CACNA2D1: variants seen among roughly 807,000 people sequenced by gnomAD.
CACNA2D1 encodes the protein voltage-dependent calcium channel subunit alpha-2/delta-1.
In CACNA2D1, 53 loss-of-function variants were observed where a neutral mutation model predicts 171.5. That is an observed-to-expected ratio of 0.31 (90% confidence interval 0.25 to 0.39). CACNA2D1 has a LOEUF of 0.39. Ranked by LOEUF, CACNA2D1 falls within the 10% of genes least tolerant of loss-of-function variation. CACNA2D1 has a pLI of 1.00. For missense variants in CACNA2D1, 903 were observed against 1,299.8 expected (o/e 0.69, Z 4.69); for synonymous variants, 442 against 443.1 (o/e 1.00, Z 0.03).
chr7:82,400,586 TA>T (rs1284193222), intron 1 of CACNA2D1, among the ~76,000 whole-genome samples: 7 of 151,936 alleles, frequency 4.6e-5, no homozygotes, highest in African/African-American at 9.7e-5. Flanking sequence ...ACGTTAGACC[TA>T]AAACCATAAA....
intron 1 of CACNA2D1, among the ~76,000 whole-genome samples, chr7:82,401,815 T>G (rs1826458024): frequency 6.6e-6 from 1 of 152,090 alleles, no homozygotes; most frequent in African/African-American, 2.4e-5. Context: ...AAGGCAAAAG[T>G]TTCCATCCTA....
At position 82,117,155 on chromosome 7, in the gene CACNA2D1, C is replaced by G. The variant is rs1554412653; in HGVS notation, c.415G>C (p.Glu139Gln). ...DDLDPEKNDS[E>Q]PGSQRIKPVF... ...GGTTTTATCCTCTGGCTGCCTGGCT[C>G]ACTGTCATTTTTCTCAGGCTATATA... Residue 139 changes from glutamate to glutamine, a missense_variant, in exon 6 of 39, where the codon GAG (glutamate) becomes CAG (glutamine). Coordinates refer to ENST00000356860, the MANE Select transcript of CACNA2D1 (RefSeq NM_000722.4). 6.2e-7 allele frequency: 1 copy of G among 1,613,728 alleles called. No homozygotes were observed. The highest frequency in any genetic ancestry group is 1.1e-5 in the South Asian group (1 of 91,070).
chr7:82,330,240 A>C (rs1203735800), intron 3 of CACNA2D1, among the ~76,000 whole-genome samples: 1 of 152,178 alleles, frequency 6.6e-6, no homozygotes, highest in African/African-American at 2.4e-5. Context: ...AAACATATAA[A>C]CAAAAACAAG....
At chr7:82,358,218 T>A (rs1191337230) in intron 1 of CACNA2D1, among the ~76,000 whole-genome samples, 1 of 152,164 alleles carries the variant, frequency 6.6e-6, no homozygotes, top group Non-Finnish European at 1.5e-5. Context: ...TGTTATATAA[T>A]AAACCATCCA....
intron 7 of CACNA2D1, among the ~76,000 whole-genome samples, chr7:82,078,424 T>C (rs1809282312): frequency 6.6e-6 from 1 of 152,210 alleles, no homozygotes; most frequent in South Asian, 2.1e-4. Flanking sequence ...TTTGTACCTA[T>C]GGTTTTTATG....
At chr7:81,981,866 G>A (rs1366483914) in intron 24 of CACNA2D1, among the ~76,000 whole-genome samples, 1 of 152,088 alleles carries the variant, frequency 6.6e-6, no homozygotes, top group Non-Finnish European at 1.5e-5. Flanking sequence ...GTAAAGCAAT[G>A]CCACTGTAAA....
chr7:82,269,461 T>C (rs967786580), intron 3 of CACNA2D1, among the ~76,000 whole-genome samples: 3 of 152,194 alleles, frequency 2.0e-5, no homozygotes, highest in Non-Finnish European at 4.4e-5. Flanking sequence ...TTCATAACTT[T>C]GCATTGTGTA....
rs1217766555 is a variant in CACNA2D1 at position 81,964,049 on chromosome 7, G to C, written c.2780+7C>G. 2.5e-6 allele frequency: 4 copies of C among 1,609,890 alleles called. No individual in the cohort carries two copies. Among genetic ancestry groups the C allele is most frequent in the Non-Finnish European group, 3.4e-6 (4 of 1,177,260 alleles). On this transcript the variant is annotated splice_region_variant and intron_variant, in intron 34 of 38. Transcript: ENST00000356860. Reference sequence around the variant, plus strand: ...TCATTACCAATAAAACTAAAATTTTGACTTACCAGGCAGCAGCAGTGGCCC... The same window carrying C: ...TCATTACCAATAAAACTAAAATTTTCACTTACCAGGCAGCAGCAGTGGCCC...
intron 4 of CACNA2D1, among the ~76,000 whole-genome samples, chr7:82,149,177 T>G (rs764200656): frequency 1.6e-4 from 24 of 152,132 alleles, no homozygotes; most frequent in Non-Finnish European, 1.3e-4. Flanking sequence ...GCCTGGCCCA[T>G]CACAGCTTAG....
intron 3 of CACNA2D1, among the ~76,000 whole-genome samples, chr7:82,332,597 A>G (rs1377116908): frequency 6.7e-6 from 1 of 150,030 alleles, no homozygotes; most frequent in Non-Finnish European, 1.5e-5. Flanking sequence ...GGGTCAAGAT[A>G]TTTATAAAAG....
chr7:82,147,881 T>G (rs543593679), intron 4 of CACNA2D1, among the ~76,000 whole-genome samples: 1 of 152,258 alleles, frequency 6.6e-6, no homozygotes, highest in Non-Finnish European at 1.5e-5. Context: ...TATAGGGATA[T>G]GTAGGATAGG....
intron 3 of CACNA2D1, among the ~76,000 whole-genome samples, chr7:82,242,588 G>A (rs117332851): frequency 1.3e-5 from 2 of 151,996 alleles, no homozygotes; most frequent in African/African-American, 4.8e-5. Flanking sequence ...TATGCTAACC[G>A]GCATTCAGTC....
chr7:82,366,219 A>G (rs1392240009), intron 1 of CACNA2D1, among the ~76,000 whole-genome samples: 1 of 117,364 alleles, frequency 8.5e-6, no homozygotes, highest in African/African-American at 2.8e-5. Flanking sequence ...TTATTCTAAT[A>G]TAATGTCAAC....
chr7:82,362,500 T>C (rs536306192), intron 1 of CACNA2D1, among the ~76,000 whole-genome samples: 1 of 152,292 alleles, frequency 6.6e-6, no homozygotes, highest in South Asian at 2.1e-4. Context: ...ACAAAAGGAC[T>C]TGAGCACATG....
chr7:82,112,954 G>C (rs747992011), intron 6 of CACNA2D1, among the ~76,000 whole-genome samples: 2 of 152,100 alleles, frequency 1.3e-5, no homozygotes, highest in African/African-American at 4.8e-5. Flanking sequence ...AGCACTTTTA[G>C]TAAAGCATAT....
In CACNA2D1 at chr7:82,092,998, G is replaced by GTT. The variant is rs113962217; in HGVS notation, c.527-8100_527-8099dup. Among the ~76,000 whole-genome samples, 1,002 of 150,944 alleles carry GTT rather than the reference G, an allele frequency of 6.6e-3. 16 individuals carry two copies. Among genetic ancestry groups the GTT allele is most frequent in the African/African-American group, 0.023 (948 of 41,126 alleles). On this transcript the variant is annotated intron_variant, in intron 6 of 38. Transcript: ENST00000356860. ...AAAGGACTCCAAATTAAAGTGTGTG[G>GTT]TTTTTTTTTGTTTTGTTTTCATGCA... is the stretch of plus-strand genomic sequence containing the variant.
At chr7:82,032,970 T>C (rs1268482273) in intron 11 of CACNA2D1, 69 bp from the exon 12 acceptor site, 8 of 878,702 alleles carry the variant, frequency 9.1e-6, no homozygotes, top group Middle Eastern at 2.2e-4. Context: ...TAAAGCTATA[T>C]GGAACGAGCA....
chr7:82,308,368 C>G lies in CACNA2D1; in HGVS notation c.294+26767G>C, dbSNP rs972578596. Reference sequence around the variant, plus strand: ...AGGGACTTCTAGGAACGCTGATATGCCTTCAAAACACAGCGAAGGTGCCAT... The same window carrying G: ...AGGGACTTCTAGGAACGCTGATATGGCTTCAAAACACAGCGAAGGTGCCAT... On this transcript the variant is annotated intron_variant, in intron 3 of 38. Transcript: ENST00000356860. 1.1e-4 allele frequency among the ~76,000 whole-genome samples: 17 copies of G among 152,178 alleles called. 1 individual carries two copies. Among genetic ancestry groups the G allele is most frequent in the Admixed American group, 1.3e-4 (2 of 15,272 alleles).
chr7:82,306,674 A>C (rs1813775187), intron 3 of CACNA2D1, among the ~76,000 whole-genome samples: 1 of 152,180 alleles, frequency 6.6e-6, no homozygotes, highest in Non-Finnish European at 1.5e-5. Context: ...CTGGAGGATC[A>C]TGAGGCCTGC....
Sources: gnomAD v4.1 joint callset for allele counts (sites outside exome capture counted in the v4.1 genomes callset) on GRCh38, gnomAD v4.1.1 for gene constraint, MANE v1.5 for transcripts, NCBI Gene and HGNC (gene_info 2026-07-23, HGNC 2026-07-21) for gene names.